Variants in SCRG1 observed in about 807,000 individuals in gnomAD.
The protein encoded by SCRG1 is stimulator of chondrogenesis 1.
Under a neutral mutation model 7.7 loss-of-function variants are expected in SCRG1, and 3 were observed. The observed-to-expected ratio is 0.39, with a 90% CI of 0.18 to 1.01. The LOEUF is 1.01. Among genes scored for constraint, SCRG1 ranks in the 50% least tolerant of loss-of-function variants. SCRG1 has a pLI of 0.36. For synonymous variants in SCRG1, 46 were observed against 41.2 expected, an observed-to-expected ratio of 1.12 and a Z score of -0.44; for missense variants, 110 against 117.2, an observed-to-expected ratio of 0.94 and a Z score of 0.28.
chr4:173,442,881 C>A, the SCRG1 span, among the ~76,000 whole-genome samples: 3 of 152,148 alleles, frequency 2.0e-5, no homozygotes, highest in Non-Finnish European at 4.4e-5. Context: ...ACCTAATCAC[C>A]TCTTAAGGGC....
At chr4:173,440,375 G>A in the SCRG1 span, among the ~76,000 whole-genome samples, 1 of 152,304 alleles carries the variant, frequency 6.6e-6, no homozygotes, top group Admixed American at 6.5e-5. Context: ...TTTGACATGG[G>A]TTAGTGGGAA....
the SCRG1 span, among the ~76,000 whole-genome samples, chr4:173,483,831 A>ATG: frequency 6.5e-5 from 1 of 15,460 alleles, no homozygotes; most frequent in African/African-American, 1.4e-4. Context: ...TAATATATAT[A>ATG]ATATATAATA....
the SCRG1 span, among the ~76,000 whole-genome samples, chr4:173,493,212 T>G: frequency 6.6e-6 from 1 of 152,098 alleles, no homozygotes; most frequent in Admixed American, 6.5e-5. Context: ...GGGGGCAGAC[T>G]TCCCCCTTGT....
chr4:173,453,161 C>G, the SCRG1 span, among the ~76,000 whole-genome samples: 1 of 152,230 alleles, frequency 6.6e-6, no homozygotes, highest in Non-Finnish European at 1.5e-5. Flanking sequence ...AGGAGAGAAA[C>G]CTGGCACTTA....
the SCRG1 span, among the ~76,000 whole-genome samples, chr4:173,516,183 G>T: frequency 6.6e-6 from 1 of 152,202 alleles, no homozygotes; most frequent in African/African-American, 2.4e-5. Context: ...TCAATTAGCC[G>T]CTTCTGGCGA....
the SCRG1 span, among the ~76,000 whole-genome samples, chr4:173,483,249 CATATATGATATATCATATATGATATATA>C: frequency 5.7e-5 from 3 of 52,258 alleles, no homozygotes; most frequent in African/African-American, 3.0e-4. Context: ...TATGATATAT[CATATATGATATATCATATATGATATATA>C]ATATATGATA....
chr4:173,517,595 G>A, the SCRG1 span, among the ~76,000 whole-genome samples: 1 of 152,190 alleles, frequency 6.6e-6, no homozygotes, highest in East Asian at 1.9e-4. Context: ...ACACCAACCT[G>A]AGAAGAATCC....
chr4:173,484,453 ATAT>A, the SCRG1 span, among the ~76,000 whole-genome samples: 2 of 46,852 alleles, frequency 4.3e-5, no homozygotes, highest in African/African-American at 1.4e-4. Flanking sequence ...TATATAATAT[ATAT>A]TATATACATA....
chr4:173,403,257 C>G (rs1009839749), upstream of SCRG1: 1 of 152,124 alleles, frequency 6.6e-6, no homozygotes, highest in Admixed American at 6.5e-5. Context: ...GATGCCACCT[C>G]CCCTGCAGGG....
At chr4:173,513,450 A>T in the SCRG1 span, among the ~76,000 whole-genome samples, 2 of 152,232 alleles carry the variant, frequency 1.3e-5, no homozygotes, top group Non-Finnish European at 2.9e-5. Context: ...CACCTAGGTA[A>T]AGCCTTGGGA....
the SCRG1 span, among the ~76,000 whole-genome samples, chr4:173,512,141 C>T: frequency 6.6e-6 from 1 of 152,166 alleles, no homozygotes. Context: ...ATGAACAGCT[C>T]CAGGGATGCA....
At chr4:173,506,306 A>G in the SCRG1 span, among the ~76,000 whole-genome samples, 2 of 152,150 alleles carry the variant, frequency 1.3e-5, no homozygotes, top group Non-Finnish European at 2.9e-5. This position sits in a 1 kb window ranked among gnomAD's most constrained non-coding sequence, Gnocchi z 5.3. Flanking sequence ...CATCACTTAA[A>G]TCACCCTCTA....
At chr4:173,483,271 A>ACATATCATATAT in the SCRG1 span, among the ~76,000 whole-genome samples, 1 of 17,762 alleles carries the variant, frequency 5.6e-5, no homozygotes, top group Non-Finnish European at 1.6e-4. Flanking sequence ...ATCATATATG[A>ACATATCATATAT]TATATAATAT....
the SCRG1 span, among the ~76,000 whole-genome samples, chr4:173,506,755 T>C: frequency 6.6e-6 from 1 of 152,132 alleles, no homozygotes; most frequent in African/African-American, 2.4e-5. This position sits in a 1 kb window ranked among gnomAD's most constrained non-coding sequence, Gnocchi z 5.3. Flanking sequence ...CTCAGTCCTG[T>C]TACGGTGGCG....
At chr4:173,434,440 C>T in the SCRG1 span, among the ~76,000 whole-genome samples, 4 of 152,130 alleles carry the variant, frequency 2.6e-5, no homozygotes, top group Admixed American at 6.6e-5. Context: ...GGAAGGAGAT[C>T]GTGTGACTTG....
In SCRG1 at chr4:173,389,222, C is replaced by G. The variant is rs182164852; in HGVS notation, c.243-827G>C. ...TTTACTATGCATTAGAATCACCTGG[C>G]AGGTTTGTTAAAACATAATTGCTGG... On this transcript the variant is annotated intron_variant, in intron 2 of 2. Transcript: ENST00000296506. Among the ~76,000 whole-genome samples, 388 of 152,252 alleles carry G rather than the reference C, an allele frequency of 2.5e-3. 2 individuals are homozygous for G. Among genetic ancestry groups the G allele is most frequent in the African/African-American group, 7.8e-3 (324 of 41,554 alleles).
At chr4:173,395,087 G>A (rs184170464) in intron 1 of SCRG1, among the ~76,000 whole-genome samples, 1 of 151,996 alleles carries the variant, frequency 6.6e-6, no homozygotes, top group Non-Finnish European at 1.5e-5. Context: ...TGAGTTTTAG[G>A]TCTCAGTTTA....
chr4:173,467,336 A>G, the SCRG1 span, among the ~76,000 whole-genome samples: 1 of 152,160 alleles, frequency 6.6e-6, no homozygotes, highest in African/African-American at 2.4e-5. Context: ...TAATATGATG[A>G]CTAGAATTTA....
chr4:173,469,386 A>G, the SCRG1 span: 1 of 152,184 alleles, frequency 6.6e-6, no homozygotes, highest in African/African-American at 2.4e-5. Context: ...TTTAATTTTT[A>G]TGAATTTTCT....
Sources: gnomAD v4.1 joint callset for allele counts (sites outside exome capture counted in the v4.1 genomes callset) on GRCh38, gnomAD v4.1.1 for gene constraint, Gnocchi (gnomAD v3.1) non-coding constraint, MANE v1.5 for transcripts, NCBI Gene and HGNC (gene_info 2026-07-23, HGNC 2026-07-21) for gene names.